Variants in CAB39 observed in about 807,000 individuals in gnomAD.
CAB39 encodes the protein calcium-binding protein 39.
Under a neutral mutation model 40.0 loss-of-function variants are expected in CAB39, and 8 were observed. That is an observed-to-expected ratio of 0.20 (90% confidence interval 0.12 to 0.36). The LOEUF (loss-of-function observed/expected upper bound fraction) is 0.36, where lower values mean the gene tolerates loss of function less well. CAB39 is among the 10% of genes least tolerant of loss of function. The pLI is 1.00. For missense variants in CAB39, 270 were observed against 401.1 expected (o/e 0.67, Z 2.79); for synonymous variants, 156 against 141.6 (o/e 1.10, Z -0.72).
rs569365561 is a variant in CAB39, at chr2:230,789,110, C to T, written c.115-1762C>T. Among the ~76,000 whole-genome samples, 3 of 152,276 alleles carry T rather than the reference C, an allele frequency of 2.0e-5. No homozygotes were observed. The South Asian group carries it at 6.2e-4, about 32-fold the overall frequency. Reference sequence around the variant, plus strand: ...TTTCATTTTAGATAGTTTTTAGGCTCTCTCTTTGTGTTTACTAACCTATTC... The same window carrying T: ...TTTCATTTTAGATAGTTTTTAGGCTTTCTCTTTGTGTTTACTAACCTATTC... On this transcript the variant is annotated intron_variant, in intron 2 of 8. Transcript: ENST00000258418.
chr2:230,814,167 G>A, intron 7 of CAB39, 53 bp downstream of exon 7: 1 of 879,110 alleles, frequency 1.1e-6, no homozygotes, highest in Non-Finnish European at 1.8e-6. Flanking sequence ...TGTTTGAAAT[G>A]TGGATTTGGG....
At chr2:230,806,375 T>C (rs1192188425) in intron 5 of CAB39, among the ~76,000 whole-genome samples, 1 of 152,172 alleles carries the variant, frequency 6.6e-6, no homozygotes, top group Non-Finnish European at 1.5e-5. Context: ...CAGAGCTCCA[T>C]GTGACCACGT....
intron 1 of CAB39, among the ~76,000 whole-genome samples, chr2:230,758,651 T>G (rs767978334): frequency 1.2e-4 from 19 of 152,192 alleles, no homozygotes; most frequent in Admixed American, 5.2e-4. Context: ...TATGATACTA[T>G]GCAATGGATG....
rs1559597097 is a variant in CAB39 at position 230,748,860 on chromosome 2, AT to A, written c.-43-11098del. Among the ~76,000 whole-genome samples the A allele has an allele frequency of 7.3e-4, 93 of 127,558 alleles. 1 individual carries two copies. Among genetic ancestry groups the A allele is most frequent in the African/African-American group, 2.5e-3 (91 of 35,732 alleles). The allele number at this position is 127,558 out of a possible 152,430, so 83.7% of individuals were successfully genotyped here. A position where few individuals can be genotyped will look rare whatever the true frequency, so the allele number is the denominator to read the frequency against. On this transcript the variant is annotated intron_variant, in intron 1 of 8. Transcript: ENST00000258418. Reference sequence around the variant, plus strand: ...TATATATATATATATATATATATATATATATATAACAAAATGGTAATTTTTT... The same window carrying A: ...TATATATATATATATATATATATATAATATATAACAAAATGGTAATTTTTT...
intron 5 of CAB39, among the ~76,000 whole-genome samples, chr2:230,799,844 G>A (rs1168397799): frequency 6.6e-6 from 1 of 151,992 alleles, no homozygotes; most frequent in South Asian, 2.1e-4. Context: ...TATAAAATCA[G>A]CCGGGCGTAG....
intron 6 of CAB39, among the ~76,000 whole-genome samples, chr2:230,813,594 A>G (rs1467345195): frequency 6.6e-6 from 1 of 152,082 alleles, no homozygotes; most frequent in Non-Finnish European, 1.5e-5. Context: ...AGAGCAGATA[A>G]CTTTTCTCTT....
intron 2 of CAB39, among the ~76,000 whole-genome samples, chr2:230,788,458 A>G (rs924207305): frequency 6.8e-4 from 103 of 152,158 alleles, no homozygotes; most frequent in African/African-American, 2.3e-3. Flanking sequence ...TTTTTGCTTT[A>G]AAGAGCCAAT....
At chr2:230,744,152 C>T (rs1440477559) in intron 1 of CAB39, among the ~76,000 whole-genome samples, 10 of 152,158 alleles carry the variant, frequency 6.6e-5, no homozygotes, top group African/African-American at 2.4e-4. Context: ...CTCCTGACCT[C>T]AAGTGATCCA....
chr2:230,815,071 T>C (rs181684276), intron 7 of CAB39, among the ~76,000 whole-genome samples: 7 of 152,318 alleles, frequency 4.6e-5, no homozygotes, highest in African/African-American at 1.4e-4. Flanking sequence ...TATCTTTCTG[T>C]GGAAAAGACT....
intron 1 of CAB39, among the ~76,000 whole-genome samples, chr2:230,751,217 C>T (rs1695079693): frequency 6.6e-6 from 1 of 152,154 alleles, no homozygotes; most frequent in Non-Finnish European, 1.5e-5. Flanking sequence ...TATTTGACCA[C>T]GAAGTTCGTG....
Position 230,748,831 on chromosome 2 carries a change from AATATATATATATATATATATATAT to A in CAB39, c.-43-11114_-43-11091del, listed in dbSNP as rs71052546. Among the ~76,000 whole-genome samples the A allele has an allele frequency of 3.5e-4, 10 of 28,512 alleles. 1 individual carries two copies. The highest frequency in any genetic ancestry group is 6.3e-4 in the Non-Finnish European group (10 of 15,764). 18.7% of individuals were successfully genotyped at this position (28,512 alleles called of 152,430 possible). On this transcript the variant is annotated intron_variant, in intron 1 of 8. Transcript: ENST00000258418. ...CCAAAAAGAAAAAAAAAAAAAAAAA[AATATATATATATATATATATATAT>A]ATATATATATATAACAAAATGGTAA...
intron 2 of CAB39, among the ~76,000 whole-genome samples, chr2:230,790,428 C>G (rs1187134273): frequency 2.0e-5 from 3 of 152,100 alleles, no homozygotes; most frequent in Non-Finnish European, 2.9e-5. Context: ...TCCTCCACAC[C>G]TTTTCTGTGA....
intron 1 of CAB39, among the ~76,000 whole-genome samples, chr2:230,719,578 A>G (rs1238064111): frequency 6.6e-6 from 1 of 152,200 alleles, no homozygotes; most frequent in African/African-American, 2.4e-5. Flanking sequence ...AGTAGATAGT[A>G]TTTAATTTCT....
At chr2:230,742,791 G>A (rs1483008985) in intron 1 of CAB39, among the ~76,000 whole-genome samples, 5 of 152,188 alleles carry the variant, frequency 3.3e-5, no homozygotes, top group African/African-American at 9.7e-5. Flanking sequence ...CAAGAAGACA[G>A]CATTTTTAAT....
chr2:230,732,409 G>T (rs1475097276), intron 1 of CAB39, among the ~76,000 whole-genome samples: 1 of 152,106 alleles, frequency 6.6e-6, no homozygotes, highest in Non-Finnish European at 1.5e-5. Context: ...GGAGAACTCA[G>T]TTTCAGGTTT....
rs368411571 is a variant in CAB39, at chr2:230,718,094, A to G, written c.-44+4864A>G. Among the ~76,000 whole-genome samples the G allele has an allele frequency of 1.7e-4, 26 of 152,334 alleles. No individual in the cohort carries two copies. In the East Asian group the frequency reaches 2.9e-3, roughly 17 times the overall value. ...CATGTTTCAAAGATGGGGAAAATCT[A>G]GCCATTATTTAGTGGCAGTTTGTTT... is the stretch of plus-strand genomic sequence containing the variant. On this transcript the variant is annotated intron_variant, in intron 1 of 8. Transcript: ENST00000258418.
chr2:230,718,864 G>A (rs765061813), intron 1 of CAB39, among the ~76,000 whole-genome samples: 1 of 152,048 alleles, frequency 6.6e-6, no homozygotes, highest in Non-Finnish European at 1.5e-5. Flanking sequence ...TCTTTTCTAG[G>A]GTTTTATGGC....
At chr2:230,722,987 T>C (rs1694481754) in intron 1 of CAB39, among the ~76,000 whole-genome samples, 1 of 152,234 alleles carries the variant, frequency 6.6e-6, no homozygotes, top group South Asian at 2.1e-4. Context: ...ACTATTCCTT[T>C]TTAACTTTCT....
In CAB39 at chr2:230,819,529, G is replaced by A. The variant is rs1696469045; in HGVS notation, c.*825G>A. 6.6e-6 allele frequency: 1 copy of A among 152,582 alleles called. No individual in the cohort carries two copies. The highest frequency in any genetic ancestry group is 2.4e-5 in the African/African-American group (1 of 41,408). 9.5% of individuals were successfully genotyped at this position (152,582 alleles called of 1,614,324 possible). On this transcript the variant is annotated 3_prime_UTR_variant, in exon 9 of 9. Transcript: ENST00000258418. Reference sequence around the variant, plus strand: ...TAAATGGTTTAATTTGTACAGCAGAGGAATGTTATTGTAGTAGTATGTAAC... The same window carrying A: ...TAAATGGTTTAATTTGTACAGCAGAAGAATGTTATTGTAGTAGTATGTAAC...
Sources: gnomAD v4.1 joint callset for allele counts (sites outside exome capture counted in the v4.1 genomes callset) on GRCh38, gnomAD v4.1.1 for gene constraint, MANE v1.5 for transcripts, NCBI Gene and HGNC (gene_info 2026-07-23, HGNC 2026-07-21) for gene names.